PCDH11X: variants seen among roughly 807,000 people sequenced by gnomAD.
The protein encoded by PCDH11X is protocadherin 11 X-linked, also known as protocadherin-11 X-linked.
A neutral mutation model predicts 53.3 loss-of-function variants in PCDH11X; 18 were observed. The observed-to-expected ratio is 0.34, with a 90% CI of 0.23 to 0.50. The LOEUF (loss-of-function observed/expected upper bound fraction) is 0.50. PCDH11X is among the 20% of genes least tolerant of loss of function. The probability of loss-of-function intolerance (pLI) is 0.98; values close to 1 mark genes in which losing one functional copy is unlikely to be tolerated. For synonymous variants in PCDH11X, 279 were observed against 393.3 expected (o/e 0.71, Z 3.44); for missense variants, 570 against 1,032.4 (o/e 0.55, Z 6.14).
At chrX:91,911,511 AT>A (rs1941366814) in intron 6 of PCDH11X, among the ~76,000 whole-genome samples, 1 of 106,522 alleles carries the variant, frequency 9.4e-6, no homozygotes, top group Non-Finnish European at 1.9e-5. Flanking sequence ...TTAAATTATT[AT>A]TGACTATAAT....
At chrX:92,249,468 T>C (rs6652626) in intron 7 of PCDH11X, among the ~76,000 whole-genome samples, 1,555 of 112,340 alleles carry the variant, frequency 0.014, 23 homozygotes, top group African/African-American at 0.048. Context: ...AATAAAACAT[T>C]GTTTCAACTG....
intron 6 of PCDH11X, among the ~76,000 whole-genome samples, chrX:92,004,842 C>G (rs2062571697): frequency 2.1e-5 from 2 of 95,541 alleles, no homozygotes; most frequent in Non-Finnish European, 4.0e-5. Context: ...GTGGCCCAAG[C>G]TTGGCTCACT....
intron 10 of PCDH11X, among the ~76,000 whole-genome samples, chrX:92,491,388 G>C (rs919349886): frequency 9.0e-6 from 1 of 110,562 alleles, no homozygotes; most frequent in African/African-American, 3.3e-5. Flanking sequence ...CTTTATACAA[G>C]AGATTTGGCT....
At chrX:92,351,390 T>C (rs1045160436) in intron 8 of PCDH11X, among the ~76,000 whole-genome samples, 6 of 111,556 alleles carry the variant, frequency 5.4e-5, no homozygotes, top group African/African-American at 2.0e-4. Context: ...TTCAATTTCA[T>C]TTGGAAATAT....
At chrX:92,189,412 G>A (rs2066154284) in intron 6 of PCDH11X, among the ~76,000 whole-genome samples, 1 of 111,752 alleles carries the variant, frequency 8.9e-6, no homozygotes, top group Admixed American at 9.6e-5. Context: ...TGGCTGCATA[G>A]TGTTCCATGG....
intron 8 of PCDH11X, among the ~76,000 whole-genome samples, chrX:92,300,379 T>A (rs2068696496): frequency 1.8e-5 from 2 of 111,618 alleles, no homozygotes; most frequent in Non-Finnish European, 3.8e-5. Flanking sequence ...GCCAGAGTGC[T>A]TGTGCTGTTT....
intron 8 of PCDH11X, among the ~76,000 whole-genome samples, chrX:92,377,257 A>C: frequency 9.0e-6 from 1 of 111,657 alleles, no homozygotes; most frequent in Non-Finnish European, 1.9e-5. Flanking sequence ...ACATTAGTTG[A>C]ACTCAGTATT....
rs540963093 is a variant in PCDH11X, at chrX:92,382,085, G to GA, written c.3145-5643dup. 2.7e-3 allele frequency among the ~76,000 whole-genome samples: 303 copies of GA among 111,363 alleles called. 7 individuals carry two copies. In the East Asian group the frequency reaches 0.054, roughly 20 times the overall value. ...TTTGGCTAAGAGACAGTACCTATGG[G>GA]AAAAAAATGCAGAAATCCTCTGACT... is the stretch of plus-strand genomic sequence containing the variant. On this transcript the variant is annotated intron_variant, in intron 8 of 10. Transcript: ENST00000682573.
At chrX:91,814,369 A>G (rs1419491671) in intron 4 of PCDH11X, among the ~76,000 whole-genome samples, 1 of 110,856 alleles carries the variant, frequency 9.0e-6, no homozygotes, top group Non-Finnish European at 1.9e-5. Flanking sequence ...TTTGAAAAAA[A>G]ATTTTATTAC....
At chrX:92,183,212 T>C (rs1001945444) in intron 6 of PCDH11X, among the ~76,000 whole-genome samples, 1 of 110,404 alleles carries the variant, frequency 9.1e-6, no homozygotes, top group Admixed American at 9.7e-5. Flanking sequence ...CATTTGCCAT[T>C]GTCCTCCAAT....
intron 9 of PCDH11X, among the ~76,000 whole-genome samples, chrX:92,395,203 G>T (rs753559852): frequency 9.0e-6 from 1 of 111,014 alleles, no homozygotes; most frequent in Non-Finnish European, 1.9e-5. Context: ...TTTCTGAATA[G>T]TGTATATGAA....
chrX:92,157,942 C>T (rs1010196882), intron 6 of PCDH11X, among the ~76,000 whole-genome samples: 3 of 111,838 alleles, frequency 2.7e-5, no homozygotes, highest in African/African-American at 6.5e-5. Flanking sequence ...AGGCCGGTCG[C>T]GGTAGCTCAT....
chrX:92,013,804 T>C (rs1490457467), intron 6 of PCDH11X, among the ~76,000 whole-genome samples: 1 of 111,677 alleles, frequency 9.0e-6, no homozygotes, highest in African/African-American at 3.3e-5. Flanking sequence ...ATTTAATAAA[T>C]GGTGCTGGGA....
chrX:92,452,585 C>A (rs1441127366), intron 9 of PCDH11X, among the ~76,000 whole-genome samples: 1 of 95,313 alleles, frequency 1.0e-5, no homozygotes, highest in Non-Finnish European at 2.1e-5. Context: ...GCAACCTCCA[C>A]CTCCTGGGTT....
At chrX:92,128,117 A>G (rs1452183121) in intron 6 of PCDH11X, among the ~76,000 whole-genome samples, 1 of 111,879 alleles carries the variant, frequency 8.9e-6, no homozygotes, top group Non-Finnish European at 1.9e-5. Context: ...GTAAGGTGCT[A>G]CAGTTAATTA....
intron 8 of PCDH11X, among the ~76,000 whole-genome samples, chrX:92,286,035 C>G (rs924587998): frequency 8.9e-6 from 1 of 112,120 alleles, no homozygotes; most frequent in African/African-American, 3.2e-5. Flanking sequence ...GTTTTCCGCC[C>G]CGGGTGGGCC....
At chrX:92,523,923 T>C (rs2074406452) in intron 10 of PCDH11X, among the ~76,000 whole-genome samples, 1 of 111,029 alleles carries the variant, frequency 9.0e-6, no homozygotes, top group Non-Finnish European at 1.9e-5. Context: ...TCAAATGAAA[T>C]AGGCCATTTT....
intron 8 of PCDH11X, among the ~76,000 whole-genome samples, chrX:92,380,751 C>T (rs913037239): frequency 2.7e-5 from 3 of 110,110 alleles, no homozygotes; most frequent in Non-Finnish European, 3.8e-5. Context: ...TATTCCCATC[C>T]TCAATTTAGA....
chrX:91,982,242 G>A (rs2062151366), intron 6 of PCDH11X, among the ~76,000 whole-genome samples: 2 of 108,428 alleles, frequency 1.8e-5, no homozygotes, highest in African/African-American at 6.7e-5. Flanking sequence ...CCATTCAGGT[G>A]AGTTTGTACA....
Sources: allele counts gnomAD v4.1 joint callset (sites outside exome capture counted in the v4.1 genomes callset), GRCh38; gene constraint gnomAD v4.1.1; transcripts MANE v1.5; gene names NCBI Gene and HGNC (gene_info 2026-07-23, HGNC 2026-07-21).